The following MAP4K1 variants were observed in gnomAD, a reference collection of about 807,000 sequenced individuals.
The protein encoded by MAP4K1 is MAPK/ERK kinase kinase kinase 1.
MAP4K1 carries 35 observed loss-of-function variants against 122.8 expected under a neutral mutation model. The observed-to-expected ratio is 0.29, with a 90% confidence interval of 0.22 to 0.38. MAP4K1 has a LOEUF of 0.38. Ranked by LOEUF, MAP4K1 falls within the 10% of genes least tolerant of loss-of-function variation. The pLI, the probability that MAP4K1 is intolerant of heterozygous loss-of-function variation, is 1.00. For missense variants in MAP4K1, 791 were observed against 1,072.6 expected (o/e 0.74, Z 3.67); for synonymous variants, 412 against 421.3 (o/e 0.98, Z 0.27).
At chr19:38,596,699 T>G (rs1182467606) in intron 25 of MAP4K1, among the ~76,000 whole-genome samples, 1 of 152,154 alleles carries the variant, frequency 6.6e-6, no homozygotes, top group Non-Finnish European at 1.5e-5. Flanking sequence ...GCATGCCACC[T>G]TGGCGGCAGA....
chr19:38,593,310 G>C lies in MAP4K1; in HGVS notation c.2368C>G (p.Leu790Val). ...QLLQELRDPT[L>V]TFRLLGSPRP... Reference sequence around the variant, plus strand: ...GGGGAGCCAAGCAGACGGAAAGTGAGGGTAGGGTCTCTCAGCTCCTGTAGC... The same window carrying C: ...GGGGAGCCAAGCAGACGGAAAGTGACGGTAGGGTCTCTCAGCTCCTGTAGC... The change falls in exon 30 of 31, where the codon CTC (leucine) becomes GTC (valine). Residue 790 changes from leucine (L) to valine (V), a missense_variant. Coordinates refer to ENST00000396857, the MANE Select transcript of MAP4K1 (RefSeq NM_001042600.3). 6.2e-7 allele frequency: 1 copy of C among 1,612,340 alleles called. No individual in the cohort carries two copies. Among genetic ancestry groups the C allele is most frequent in the Non-Finnish European group, 8.5e-7 (1 of 1,179,172 alleles).
intron 22 of MAP4K1, among the ~76,000 whole-genome samples, chr19:38,598,738 G>A (rs2144707218): frequency 6.6e-6 from 1 of 152,298 alleles, no homozygotes; most frequent in African/African-American, 2.4e-5. Context: ...TTAGGGCTGG[G>A]CACGGTGGCT....
chr19:38,607,033 G>C (rs1032450613), intron 16 of MAP4K1, among the ~76,000 whole-genome samples: 2 of 152,126 alleles, frequency 1.3e-5, no homozygotes, highest in African/African-American at 4.8e-5. Context: ...CGGGCAAAAA[G>C]ATAGGAAAAG....
At chr19:38,603,046 A>C (rs1238845976) in intron 19 of MAP4K1, among the ~76,000 whole-genome samples, 1 of 139,726 alleles carries the variant, frequency 7.2e-6, no homozygotes, top group Non-Finnish European at 1.5e-5. Flanking sequence ...ACATGTACAT[A>C]TATACGCATA....
In MAP4K1 at chr19:38,590,251, CAAA is replaced by C. The variant is rs1224301015; in HGVS notation, c.2397-2437_2397-2435del. 3.5e-3 allele frequency among the ~76,000 whole-genome samples: 523 copies of C among 149,546 alleles called. 4 individuals carry two copies. The highest frequency in any genetic ancestry group is 0.012 in the African/African-American group (504 of 40,402). ...CACAGTTAAGGGACATTTTAGAAAA[CAAA>C]TTTCCTTTAATTTTTAAAAAGGTCA... On this transcript the variant is annotated intron_variant, in intron 30 of 30. Coordinates refer to ENST00000396857, the MANE Select transcript of MAP4K1 (RefSeq NM_001042600.3).
chr19:38,600,290 CCT>C (rs1975021380), intron 20 of MAP4K1, 137 bp from the exon 21 acceptor site: 5 of 707,328 alleles, frequency 7.1e-6, no homozygotes, highest in Admixed American at 2.4e-5. Flanking sequence ...ATACTCCCAG[CCT>C]CTGTTTCCCC....
intron 12 of MAP4K1, 86 bp downstream of exon 12, chr19:38,609,823 A>AGGCAGCAGGAAGGCACTGCT: frequency 1.5e-6 from 2 of 1,339,842 alleles, no homozygotes; most frequent in Non-Finnish European, 2.1e-6. Flanking sequence ...CCCCTAAGAG[A>AGGCAGCAGGAAGGCACTGCT]GGCAGCAGGA....
At chr19:38,589,961 T>G (rs1242451000) in intron 30 of MAP4K1, among the ~76,000 whole-genome samples, 1 of 151,202 alleles carries the variant, frequency 6.6e-6, no homozygotes, top group Non-Finnish European at 1.5e-5. Flanking sequence ...ACCCAGGAGG[T>G]CGAGGCTGCA....
At chr19:38,602,662 A>G (rs890792982) in intron 19 of MAP4K1, among the ~76,000 whole-genome samples, 10 of 149,304 alleles carry the variant, frequency 6.7e-5, no homozygotes, top group East Asian at 1.9e-4. Flanking sequence ...ACATATATAC[A>G]CATGTACATA....
intron 19 of MAP4K1, among the ~76,000 whole-genome samples, chr19:38,602,258 AG>A (rs1462875838): frequency 6.6e-6 from 1 of 151,998 alleles, no homozygotes; most frequent in African/African-American, 2.4e-5. Context: ...GTATTTTAGT[AG>A]AGACAGGGTT....
At chr19:38,589,925 G>C (rs975602729) in intron 30 of MAP4K1, among the ~76,000 whole-genome samples, 1 of 152,008 alleles carries the variant, frequency 6.6e-6, no homozygotes, top group Non-Finnish European at 1.5e-5. Context: ...AGCTACCCGG[G>C]AGGTTGAGGT....
In MAP4K1 at chr19:38,595,631, T is replaced by C. The variant is rs1974850960; in HGVS notation, c.2269+9A>G. ...CCCTGATCCTGGGCTCTCCCGTCCC[T>C]GCACAGACCCACGGCCTCCACCGCT... On this transcript the variant is annotated intron_variant, in intron 28 of 30. Coordinates refer to ENST00000396857, the MANE Select transcript of MAP4K1 (RefSeq NM_001042600.3). 1 of 1,613,946 alleles carries C rather than the reference T, an allele frequency of 6.2e-7. No homozygotes were observed. Among genetic ancestry groups the C allele is most frequent in the African/African-American group, 1.3e-5 (1 of 75,046 alleles).
At chr19:38,602,466 A>ATG (rs1491146389) in intron 19 of MAP4K1, among the ~76,000 whole-genome samples, 2 of 146,128 alleles carry the variant, frequency 1.4e-5, no homozygotes, top group Admixed American at 1.3e-4. Context: ...ATATACACAC[A>ATG]TATACATATA....
At chr19:38,606,042 A>G (rs1469497957) in intron 17 of MAP4K1, 131 bp downstream of exon 17, 8 of 733,346 alleles carry the variant, frequency 1.1e-5, no homozygotes, top group South Asian at 1.7e-5. Flanking sequence ...CCAGATCCCA[A>G]TGTAGCCATC....
Position 38,614,235 on chromosome 19 carries a change from C to T in MAP4K1, c.417+10G>A. On this transcript the variant is annotated intron_variant, in intron 6 of 30. Transcript: ENST00000396857. ...CACCCCCCAACAGCACCCCTACACC[C>T]CCAGACCACCTTGATGTCCCTGTGT... 2 of 1,614,120 alleles carry T rather than the reference C, an allele frequency of 1.2e-6. No individual in the cohort carries two copies. Among genetic ancestry groups the T allele is most frequent in the Non-Finnish European group, 1.7e-6 (2 of 1,179,968 alleles).
chr19:38,605,073 A>G (rs1255885986), intron 19 of MAP4K1, among the ~76,000 whole-genome samples: 2 of 150,302 alleles, frequency 1.3e-5, no homozygotes, highest in Non-Finnish European at 3.0e-5. Flanking sequence ...GGCAACAAGC[A>G]AAACTCCGTC....
intron 19 of MAP4K1, among the ~76,000 whole-genome samples, chr19:38,603,936 A>G (rs1176838098): frequency 6.6e-6 from 1 of 151,412 alleles, no homozygotes; most frequent in Non-Finnish European, 1.5e-5. Flanking sequence ...GTGAGCCAAG[A>G]TAGCACCACT....
At position 38,613,573 on chromosome 19, in the gene MAP4K1, G is replaced by GAGAGACAGAAACAA. The variant is rs1317188730; in HGVS notation, c.533+293_533+306dup. Among the ~76,000 whole-genome samples the GAGAGACAGAAACAA allele has an allele frequency of 3.9e-5, 6 of 152,024 alleles. No individual in the cohort carries two copies. In the South Asian group the frequency reaches 1.3e-3, roughly 32 times the overall value. ...ACAGAGAGGCAGAGACAGAGAGTGA[G>GAGAGACAGAAACAA]AGAGACAGAAACAAAGAGACAGAGA... On this transcript the variant is annotated intron_variant, in intron 8 of 30. Transcript: ENST00000396857.
At chr19:38,616,825 T>A (rs1975659759) in intron 3 of MAP4K1, among the ~76,000 whole-genome samples, 1 of 152,096 alleles carries the variant, frequency 6.6e-6, no homozygotes, top group Non-Finnish European at 1.5e-5. Context: ...GGAGATTAGA[T>A]TAGAGGCTGC....
Sources: gnomAD v4.1 joint callset for allele counts (sites outside exome capture counted in the v4.1 genomes callset) on GRCh38, gnomAD v4.1.1 for gene constraint, MANE v1.5 for transcripts, NCBI Gene and HGNC (gene_info 2026-07-23, HGNC 2026-07-21) for gene names.